The following PRRC2B variants were observed in gnomAD, a reference collection of about 807,000 sequenced individuals.
PRRC2B encodes proline rich coiled-coil 2B.
Under a neutral mutation model 242.3 loss-of-function variants are expected in PRRC2B, and 68 were observed. The observed-to-expected ratio is 0.28, with a 90% confidence interval of 0.23 to 0.34. PRRC2B has a LOEUF of 0.34. PRRC2B is among the 10% of genes least tolerant of loss of function. The pLI, the probability that PRRC2B is intolerant of heterozygous loss-of-function variation, is 1.00. For missense variants in PRRC2B, 2,835 were observed against 2,954.8 expected (o/e 0.96, Z 0.94); for synonymous variants, 1,228 against 1,173.6 (o/e 1.05, Z -0.95).
intron 1 of PRRC2B, among the ~76,000 whole-genome samples, chr9:131,409,489 T>C (rs1182604475): frequency 1.3e-5 from 2 of 152,248 alleles, no homozygotes; most frequent in Non-Finnish European, 2.9e-5. Flanking sequence ...CTGGCCACAT[T>C]AGTATCTTTT....
At chr9:131,377,796 C>A (rs1158981672) in intron 1 of PRRC2B, among the ~76,000 whole-genome samples, 1 of 152,154 alleles carries the variant, frequency 6.6e-6, no homozygotes, top group Non-Finnish European at 1.5e-5. Flanking sequence ...TGCCCTCTCG[C>A]CCAGGCTAGA....
chr9:131,453,885 A>G (rs762450114), intron 9 of PRRC2B, among the ~76,000 whole-genome samples: 2 of 152,250 alleles, frequency 1.3e-5, no homozygotes, highest in Non-Finnish European at 2.9e-5. Flanking sequence ...CATAATTGTC[A>G]TATAACATAA....
At chr9:131,416,973 CTG>C (rs534399389) in intron 1 of PRRC2B, among the ~76,000 whole-genome samples, 251 of 152,194 alleles carry the variant, frequency 1.6e-3, no homozygotes, top group Non-Finnish European at 2.1e-3. Flanking sequence ...CTGGCACTGT[CTG>C]TTTCCTCTGT....
rs201654931 is a variant in PRRC2B, at chr9:131,478,506, G to T, written c.4645G>T (p.Gly1549Trp). The T allele has an allele frequency of 6.2e-7, 1 of 1,613,584 alleles. No individual in the cohort carries two copies. The highest frequency in any genetic ancestry group is 8.5e-7 in the Non-Finnish European group (1 of 1,179,612). Residue 1549 changes from glycine to tryptophan, a missense_variant, in exon 18 of 32, where the codon GGG becomes TGG. Gly to Trp is a radical substitution (Grantham distance 184, BLOSUM62 -2). This residue lies in a region of PRRC2B where 1,536 missense variants were observed against 1,483.1 expected (regional missense o/e 1.04). Transcript: ENST00000683519. ...CATTGAAAATTGCGGGTCCAGCCCC[G>T]GGGAGGAGAGTGAGGTGGGTTCTAT... ...AIIENCGSSP[G>W]EESEVGSMVG...
In PRRC2B at chr9:131,470,962, C is replaced by A; in HGVS notation, c.2086C>A (p.Pro696Thr). Residue 696 changes from proline (P) to threonine (T), a missense_variant, in exon 14 of 32, where the codon CCC becomes ACC. By Grantham distance (38) the Pro-to-Thr change is conservative (BLOSUM62 -1). Transcript: ENST00000683519. ...CACTCGGACCCCGGTGGACTTCTAC[C>A]CCTCCGCCCTGCATCCCTCAGGTAA... The part of the protein sequence containing the change: ...TPTRTPVDFY[P>T]SALHPSGLMK... The A allele has an allele frequency of 6.2e-7, 1 of 1,611,858 alleles. No homozygotes were observed. The highest frequency in any genetic ancestry group is 2.2e-5 in the East Asian group (1 of 44,774).
At chr9:131,424,464 A>C (rs548813094) in intron 1 of PRRC2B, among the ~76,000 whole-genome samples, 65 of 152,248 alleles carry the variant, frequency 4.3e-4, no homozygotes, top group Non-Finnish European at 8.1e-4. Context: ...AGGTGGGCGG[A>C]TAACTTGAGG....
intron 6 of PRRC2B, among the ~76,000 whole-genome samples, chr9:131,445,191 G>A (rs1011189678): frequency 1.3e-5 from 2 of 150,968 alleles, no homozygotes; most frequent in Admixed American, 6.6e-5. Context: ...ATGGAGTTTC[G>A]CTCTTGTTGC....
At chr9:131,455,017 C>G in intron 9 of PRRC2B, 59 bp from the exon 10 acceptor site, 1 of 1,356,842 alleles carries the variant, frequency 7.4e-7, no homozygotes, top group South Asian at 1.2e-5. Context: ...CCACCACGTC[C>G]GGCCACCACT....
Position 131,493,442 on chromosome 9 carries a change from C to T in PRRC2B, c.6474-963C>T, listed in dbSNP as rs1025765141. 3.7e-4 allele frequency among the ~76,000 whole-genome samples: 56 copies of T among 152,354 alleles called. 1 individual carries two copies. The highest frequency in any genetic ancestry group is 3.1e-4 in the Non-Finnish European group (21 of 68,036). On this transcript the variant is annotated intron_variant, in intron 30 of 31. Transcript: ENST00000683519. ...GGTCTCAGCAGACGCTGTCCCGCTG[C>T]TGCCACAGGCAGATTCCAGCAGCCT...
Position 131,474,219 on chromosome 9 carries a change from C to G in PRRC2B, c.2325-235C>G, listed in dbSNP as rs535777185. Reference sequence around the variant, plus strand: ...TCTTCACTCTCAAGGACTCCAGGGGCCACCGACCAATTCATGGCCTGGCAT... The same window carrying G: ...TCTTCACTCTCAAGGACTCCAGGGGGCACCGACCAATTCATGGCCTGGCAT... On this transcript the variant is annotated intron_variant, in intron 15 of 31. Transcript: ENST00000683519. Among the ~76,000 whole-genome samples, 4 of 152,300 alleles carry G rather than the reference C, an allele frequency of 2.6e-5. No homozygotes were observed. The East Asian group carries it at 7.7e-4, about 29-fold the overall frequency.
chr9:131,440,117 G>A (rs1838514063), intron 5 of PRRC2B, among the ~76,000 whole-genome samples: 2 of 152,136 alleles, frequency 1.3e-5, no homozygotes, highest in Admixed American at 1.3e-4. Flanking sequence ...ATGTTGCTCA[G>A]GCTGGTCTCC....
At chr9:131,457,913 T>C (rs1943129414) in intron 10 of PRRC2B, among the ~76,000 whole-genome samples, 1 of 152,158 alleles carries the variant, frequency 6.6e-6, no homozygotes, top group Admixed American at 6.5e-5. Flanking sequence ...CTTCCCTCCC[T>C]CGCCACGTAC....
At chr9:131,403,253 A>T (rs1339143225) in intron 1 of PRRC2B, among the ~76,000 whole-genome samples, 2 of 152,184 alleles carry the variant, frequency 1.3e-5, no homozygotes, top group African/African-American at 4.8e-5. Flanking sequence ...TGGGAAGAGG[A>T]TAGTGTCCTG....
intron 1 of PRRC2B, among the ~76,000 whole-genome samples, chr9:131,384,846 C>A (rs770117482): frequency 6.6e-6 from 1 of 152,134 alleles, no homozygotes; most frequent in Non-Finnish European, 1.5e-5. Flanking sequence ...TGAGCCACCG[C>A]GCCTGGTCGA....
At chr9:131,402,073 G>A (rs1837241571) in intron 1 of PRRC2B, among the ~76,000 whole-genome samples, 1 of 151,958 alleles carries the variant, frequency 6.6e-6, no homozygotes, top group South Asian at 2.1e-4. Context: ...GGGTTCAAGC[G>A]ATTCTCCTGC....
rs1483418101 is a variant in PRRC2B at position 131,494,532 on chromosome 9, C to T, written c.6555+46C>T. 5.7e-6 allele frequency: 6 copies of T among 1,044,072 alleles called. No individual in the cohort carries two copies. The highest frequency in any genetic ancestry group is 2.2e-5 in the Admixed American group (1 of 45,356). The allele number at this position is 1,044,072 out of a possible 1,614,324, so 64.7% of individuals were successfully genotyped here. ...CCCTTCAGCCCTGGACACTTAGGCC[C>T]GTCTCCAAGCGCCAAAAGAGAAGGG... On this transcript the variant is annotated intron_variant, in intron 31 of 31. Transcript: ENST00000683519. This position sits in a 1 kb window ranked among gnomAD's most constrained non-coding sequence, Gnocchi z 4.3.
At chr9:131,441,844 C>T (rs1399888063) in intron 5 of PRRC2B, among the ~76,000 whole-genome samples, 1 of 152,206 alleles carries the variant, frequency 6.6e-6, no homozygotes, top group Non-Finnish European at 1.5e-5. Context: ...CAGCTGCTGC[C>T]CCACCAGTGG....
upstream of PRRC2B, among the ~76,000 whole-genome samples, chr9:131,391,865 C>T (rs538019104): frequency 1.9e-3 from 288 of 152,048 alleles, 1 homozygote; most frequent in African/African-American, 6.6e-3. Flanking sequence ...CTCAGCCTCC[C>T]GAGTAGCTGG....
At chr9:131,464,428 G>A (rs17536774) in intron 11 of PRRC2B, among the ~76,000 whole-genome samples, 8,065 of 152,236 alleles carry the variant, frequency 0.053, 289 homozygotes, top group Admixed American at 0.11. Context: ...TAGCTTGCAT[G>A]CCCATCAGCA....
Sources: gnomAD v4.1 joint callset for allele counts (sites outside exome capture counted in the v4.1 genomes callset) on GRCh38, gnomAD v4.1.1 for gene constraint, gnomAD v4.1.1 regional missense constraint, Gnocchi (gnomAD v3.1) non-coding constraint, MANE v1.5 for transcripts, NCBI Gene and HGNC (gene_info 2026-07-23, HGNC 2026-07-21) for gene names.